ARID4B: variants seen among roughly 807,000 people sequenced by gnomAD.
ARID4B encodes the protein AT-rich interaction domain 4B, also known as AT-rich interactive domain-containing protein 4B.
A neutral mutation model predicts 147.5 loss-of-function variants in ARID4B; 26 were observed. That is an observed-to-expected ratio of 0.18 (90% CI 0.13 to 0.24). ARID4B has a LOEUF of 0.24. Ranked by LOEUF, ARID4B falls within the 10% of genes least tolerant of loss-of-function variation. The pLI is 1.00. For missense variants in ARID4B, 1,179 were observed against 1,511.5 expected, an observed-to-expected ratio of 0.78 and a Z score of 3.65; for synonymous variants, 512 against 507.9, an observed-to-expected ratio of 1.01 and a Z score of -0.11.
At chr1:235,279,818 C>T (rs1671551453) in intron 2 of ARID4B, among the ~76,000 whole-genome samples, 1 of 152,168 alleles carries the variant, frequency 6.6e-6, no homozygotes, top group Non-Finnish European at 1.5e-5. Flanking sequence ...GAACAGCTCC[C>T]ACTAAAAACC....
intron 13 of ARID4B, among the ~76,000 whole-genome samples, chr1:235,221,886 A>T (rs971686207): frequency 4.7e-3 from 251 of 53,662 alleles, no homozygotes; most frequent in Non-Finnish European, 6.0e-3. Context: ...TCATTTGACT[A>T]TTTTTTTTTT....
intron 2 of ARID4B, among the ~76,000 whole-genome samples, chr1:235,297,450 C>A (rs1356193374): frequency 6.6e-6 from 1 of 152,104 alleles, no homozygotes; most frequent in African/African-American, 2.4e-5. Context: ...TAAAAGTTTT[C>A]TTTACAAAAG....
chr1:235,294,672 C>T (rs1317978365), intron 2 of ARID4B, among the ~76,000 whole-genome samples: 1 of 150,652 alleles, frequency 6.6e-6, no homozygotes, highest in African/African-American at 2.4e-5. Flanking sequence ...GCTACCACAC[C>T]CGGCTGATTT....
At chr1:235,174,227 G>A (rs184643560) in intron 22 of ARID4B, among the ~76,000 whole-genome samples, 279 of 151,892 alleles carry the variant, frequency 1.8e-3, no homozygotes, top group African/African-American at 6.3e-3. Flanking sequence ...TATTAGTAGA[G>A]ACAGGGTTTC....
chr1:235,273,437 AAAGTTAC>A (rs2103152499), intron 2 of ARID4B, among the ~76,000 whole-genome samples: 1 of 152,344 alleles, frequency 6.6e-6, no homozygotes, highest in Admixed American at 6.5e-5. Context: ...ATACAAACAT[AAAGTTAC>A]CATATTTCAT....
At chr1:235,171,790 C>T (rs765523366) in intron 23 of ARID4B, among the ~76,000 whole-genome samples, 10 of 152,050 alleles carry the variant, frequency 6.6e-5, no homozygotes, top group Non-Finnish European at 1.3e-4. Context: ...CAGGCACCCG[C>T]CACCGCGCAC....
intron 12 of ARID4B, among the ~76,000 whole-genome samples, chr1:235,223,610 G>A (rs1388421296): frequency 6.8e-6 from 1 of 146,980 alleles, no homozygotes; most frequent in African/African-American, 2.5e-5. Context: ...CCCAATAAGA[G>A]TTACTTTTAT....
At chr1:235,280,632 C>T (rs977131989) in intron 2 of ARID4B, among the ~76,000 whole-genome samples, 3 of 152,216 alleles carry the variant, frequency 2.0e-5, no homozygotes, top group Admixed American at 6.5e-5. Flanking sequence ...AGTGCCCAGG[C>T]GAAGAACAGC....
intron 7 of ARID4B, among the ~76,000 whole-genome samples, chr1:235,243,184 A>C (rs994529750): frequency 6.6e-6 from 1 of 152,136 alleles, no homozygotes; most frequent in African/African-American, 2.4e-5. Flanking sequence ...AAAAAGATGC[A>C]TTTATTTTTT....
At chr1:235,236,684 T>C (rs750893724) in intron 8 of ARID4B, among the ~76,000 whole-genome samples, 15 of 149,848 alleles carry the variant, frequency 1.0e-4, no homozygotes, top group Non-Finnish European at 1.8e-4. Context: ...CGGCTAATTT[T>C]TGTATTTTAG....
At chr1:235,244,646 T>C (rs1669188134) in intron 7 of ARID4B, among the ~76,000 whole-genome samples, 1 of 152,174 alleles carries the variant, frequency 6.6e-6, no homozygotes, top group Admixed American at 6.5e-5. Context: ...GAATAACAGC[T>C]GCTAAAAGAA....
At chr1:235,254,649 A>G (rs779734335) in intron 5 of ARID4B, among the ~76,000 whole-genome samples, 8 of 151,986 alleles carry the variant, frequency 5.3e-5, no homozygotes, top group Non-Finnish European at 8.8e-5. Context: ...CAGGAGAAAT[A>G]TATTTATAAC....
At chr1:235,310,184 T>TA (rs199543378) in intron 2 of ARID4B, among the ~76,000 whole-genome samples, 36 of 149,292 alleles carry the variant, frequency 2.4e-4, no homozygotes, top group African/African-American at 6.2e-4. Flanking sequence ...TAAAAAAAAA[T>TA]AAAAAAAAAG....
intron 16 of ARID4B, among the ~76,000 whole-genome samples, chr1:235,215,212 T>C (rs532598418): frequency 2.0e-5 from 3 of 152,258 alleles, no homozygotes; most frequent in Admixed American, 1.3e-4. Flanking sequence ...CCTTTTTATA[T>C]TGACCACCAA....
At chr1:235,275,900 G>A (rs546996365) in intron 2 of ARID4B, among the ~76,000 whole-genome samples, 1 of 152,336 alleles carries the variant, frequency 6.6e-6, no homozygotes, top group Middle Eastern at 3.4e-3. Flanking sequence ...ACGCTGGAAG[G>A]CCAAGGTGGG....
At position 235,193,965 on chromosome 1, in the gene ARID4B, ATAAAT is replaced by A. The variant is rs922633218; in HGVS notation, c.2125+43_2125+47del. 2.8e-6 allele frequency: 4 copies of A among 1,409,414 alleles called. No homozygotes were observed. In the African/African-American group the frequency reaches 5.9e-5, roughly 21 times the overall value. 87.3% of individuals were successfully genotyped at this position (1,409,414 alleles called of 1,614,324 possible). A position where few individuals can be genotyped will look rare whatever the true frequency, so the allele number is the denominator to read the frequency against. On this transcript the variant is annotated intron_variant, in intron 19 of 23. Coordinates refer to ENST00000264183, the MANE Select transcript of ARID4B (RefSeq NM_016374.6). The stretch of plus-strand genomic sequence containing the variant: ...GAATTACCTTTATAGAACTTGACTC[ATAAAT>A]TAAAATCAAATACTTGCACAACAGA...
At chr1:235,169,863 T>C (rs1476168872) in intron 23 of ARID4B, among the ~76,000 whole-genome samples, 1 of 152,160 alleles carries the variant, frequency 6.6e-6, no homozygotes, top group Admixed American at 6.6e-5. Context: ...GGTTTCGTCA[T>C]GTTGGCCAGT....
chr1:235,263,763 G>A (rs1292828245), intron 2 of ARID4B, among the ~76,000 whole-genome samples: 1 of 151,724 alleles, frequency 6.6e-6, no homozygotes, highest in African/African-American at 2.4e-5. Context: ...TGAGGCGGGC[G>A]GATCACGAGG....
At chr1:235,265,067 A>T (rs1350649183) in intron 2 of ARID4B, among the ~76,000 whole-genome samples, 1 of 149,202 alleles carries the variant, frequency 6.7e-6, no homozygotes, top group African/African-American at 2.5e-5. Context: ...TCTCAAAAAA[A>T]AAAAAAAGTT....
Sources: allele counts gnomAD v4.1 joint callset (sites outside exome capture counted in the v4.1 genomes callset), GRCh38; gene constraint gnomAD v4.1.1; transcripts MANE v1.5; gene names NCBI Gene and HGNC (gene_info 2026-07-23, HGNC 2026-07-21).